Variants in PINX1 observed in about 807,000 individuals in gnomAD.
PINX1 encodes the protein PIN2/TERF1-interacting telomerase inhibitor 1.
In PINX1, 34 loss-of-function variants were observed where a neutral mutation model predicts 25.4. The observed-to-expected ratio is 1.34, with a 90% CI of 1.02 to 1.78. PINX1 has a LOEUF of 1.78. PINX1 is among the 40% of genes most tolerant of loss of function. PINX1 has a pLI of 0.00. For missense variants in PINX1, 592 were observed against 404.9 expected (o/e 1.46, Z -3.97); for synonymous variants, 197 against 147.7 (o/e 1.33, Z -2.42).
chr8:10,774,110 C>A (rs879539829), intron 6 of PINX1, among the ~76,000 whole-genome samples: 1 of 152,218 alleles, frequency 6.6e-6, no homozygotes, highest in Non-Finnish European at 1.5e-5. Flanking sequence ...TCTCACAGAA[C>A]AGAGCAGAAG....
intron 6 of PINX1, among the ~76,000 whole-genome samples, chr8:10,784,812 C>T (rs1801696920): frequency 6.6e-6 from 1 of 152,188 alleles, no homozygotes; most frequent in Non-Finnish European, 1.5e-5. Flanking sequence ...TAGTACTTTG[C>T]TTAAAGCAAG....
intron 5 of PINX1, among the ~76,000 whole-genome samples, chr8:10,822,492 C>T (rs1797908693): frequency 6.6e-6 from 1 of 152,140 alleles, no homozygotes; most frequent in African/African-American, 2.4e-5. Context: ...CTCCAAGAGT[C>T]AAACTGAAAG....
chr8:10,818,014 G>C (rs1650883049), intron 6 of PINX1, among the ~76,000 whole-genome samples: 2 of 152,116 alleles, frequency 1.3e-5, no homozygotes, highest in Admixed American at 1.3e-4. Flanking sequence ...ATCGGTCTTG[G>C]GCAGAACCCT....
chr8:10,788,039 G>C (rs957708645), intron 6 of PINX1, among the ~76,000 whole-genome samples: 1 of 152,198 alleles, frequency 6.6e-6, no homozygotes, highest in Admixed American at 6.5e-5. Context: ...ACAGTACTGT[G>C]ACTGTGTGTT....
chr8:10,769,463 T>A (rs1370617220), intron 6 of PINX1, among the ~76,000 whole-genome samples: 1 of 152,196 alleles, frequency 6.6e-6, no homozygotes. Context: ...TGAACTGAGA[T>A]GACTCTGGAG....
At chr8:10,792,022 CCT>C (rs1404783893) in intron 6 of PINX1, among the ~76,000 whole-genome samples, 3 of 152,192 alleles carry the variant, frequency 2.0e-5, no homozygotes, top group Non-Finnish European at 2.9e-5. Flanking sequence ...AGGACCGCCC[CCT>C]CTCTCCCGCT....
chr8:10,834,698 T>A lies in PINX1; in HGVS notation c.97A>T (p.Met33Leu), dbSNP rs1245400029. Residue 33 changes from methionine (M) to leucine (L), a missense_variant, in exon 2 of 7, where the codon ATG (methionine) becomes TTG (leucine). Met to Leu is a conservative substitution (Grantham distance 15). Coordinates refer to ENST00000314787, the MANE Select transcript of PINX1 (RefSeq NM_017884.6). ...TTAGACCACCCCATCTTCTCTAGCA[T>A]CCGCTGGCCAAACTTGGAATCGTCA... is the stretch of plus-strand genomic sequence containing the variant. The part of the protein sequence containing the change: ...SNDDSKFGQR[M>L]LEKMGWSKGK... 6.2e-7 allele frequency: 1 copy of A among 1,613,936 alleles called. No homozygotes were observed. Among genetic ancestry groups the A allele is most frequent in the Admixed American group, 1.7e-5 (1 of 60,020 alleles).
chr8:10,812,877 C>G (rs929815641), intron 6 of PINX1, among the ~76,000 whole-genome samples: 1 of 152,216 alleles, frequency 6.6e-6, no homozygotes, highest in Non-Finnish European at 1.5e-5. Flanking sequence ...CACAATTTGG[C>G]TTAGGTTAAA....
At position 10,839,872 on chromosome 8, in the gene PINX1, G is replaced by A. The variant is rs936611442; in HGVS notation, c.-116C>T. On this transcript the variant is annotated 5_prime_UTR_variant, in exon 1 of 7. Coordinates refer to ENST00000314787, the MANE Select transcript of PINX1 (RefSeq NM_017884.6). ...AACTCCCTCGCCGGCGGACTGCAGC[G>A]GACGGGGCGCGTGCTGGTGACGTCA... is the stretch of plus-strand genomic sequence containing the variant. The A allele has an allele frequency of 1.6e-5, 17 of 1,034,794 alleles. No homozygotes were observed. In the African/African-American group the frequency reaches 2.6e-4, roughly 16 times the overall value. 64.1% of individuals were successfully genotyped at this position (1,034,794 alleles called of 1,614,324 possible). A position where few individuals can be genotyped will look rare whatever the true frequency, so the allele number is the denominator to read the frequency against.
chr8:10,807,789 G>C (rs114511192), intron 6 of PINX1, among the ~76,000 whole-genome samples: 1,856 of 152,272 alleles, frequency 0.012, 39 homozygotes, highest in African/African-American at 0.043. Flanking sequence ...AGAAAGCTGT[G>C]GAAGATGAGT....
At chr8:10,816,029 T>A (rs1390294421) in intron 6 of PINX1, among the ~76,000 whole-genome samples, 1 of 152,172 alleles carries the variant, frequency 6.6e-6, no homozygotes, top group African/African-American at 2.4e-5. Context: ...ATCAGACGAT[T>A]CTGTCGGCAG....
rs747214302 is a variant in PINX1 at position 10,792,536 on chromosome 8, C to T, written c.472-26620G>A. 4.3e-4 allele frequency among the ~76,000 whole-genome samples: 65 copies of T among 152,162 alleles called. 1 individual carries two copies. The highest frequency in any genetic ancestry group is 6.8e-4 in the Non-Finnish European group (46 of 68,008). On this transcript the variant is annotated intron_variant, in intron 6 of 6. Coordinates refer to ENST00000314787, the MANE Select transcript of PINX1 (RefSeq NM_017884.6). ...TCCATGGTTAAGAGCGCCTGGCACC[C>T]GCCATCACTCAGGAGTGGTTCTGGG...
At chr8:10,820,906 AG>A (rs1797846923) in intron 5 of PINX1, among the ~76,000 whole-genome samples, 1 of 152,244 alleles carries the variant, frequency 6.6e-6, no homozygotes, top group Admixed American at 6.5e-5. Context: ...AAAGCTACAT[AG>A]GGAGAGTAGG....
At position 10,765,272 on chromosome 8, in the gene PINX1, G is replaced by T; in HGVS notation, c.*129C>A. 1 of 807,148 alleles carries T rather than the reference G, an allele frequency of 1.2e-6. No homozygotes were observed. Among genetic ancestry groups the T allele is most frequent in the Non-Finnish European group, 1.9e-6 (1 of 529,224 alleles). The allele number at this position is 807,148 out of a possible 1,614,324, so 50.0% of individuals were successfully genotyped here. A position where few individuals can be genotyped will look rare whatever the true frequency, so the allele number is the denominator to read the frequency against. On this transcript the variant is annotated 3_prime_UTR_variant, in exon 7 of 7. Coordinates refer to ENST00000314787, the MANE Select transcript of PINX1 (RefSeq NM_017884.6). ...TGTGGCGAGAGGGCAGGACTCGGCA[G>T]CCCATGGGCATGCCACAAGATGCGC...
intron 6 of PINX1, among the ~76,000 whole-genome samples, chr8:10,814,172 A>G (rs777402236): frequency 3.3e-5 from 5 of 152,220 alleles, no homozygotes; most frequent in Non-Finnish European, 7.3e-5. Flanking sequence ...CAAACCAGTT[A>G]TTATCTTCCA....
At chr8:10,794,145 G>A (rs933380722) in intron 6 of PINX1, among the ~76,000 whole-genome samples, 2 of 152,182 alleles carry the variant, frequency 1.3e-5, no homozygotes, top group African/African-American at 2.4e-5. Flanking sequence ...AAGTGAGAAC[G>A]TTATGAAGTG....
chr8:10,787,287 C>T (rs915742568), intron 6 of PINX1, among the ~76,000 whole-genome samples: 3 of 151,980 alleles, frequency 2.0e-5, no homozygotes, highest in Admixed American at 1.3e-4. Flanking sequence ...AGAGCAGTGG[C>T]GCAAACACAG....
intron 6 of PINX1, among the ~76,000 whole-genome samples, chr8:10,795,204 G>C (rs765517231): frequency 5.3e-5 from 8 of 152,156 alleles, no homozygotes; most frequent in Non-Finnish European, 8.8e-5. Context: ...CAAATCTCCA[G>C]GGCTAAGGAT....
intron 6 of PINX1, among the ~76,000 whole-genome samples, chr8:10,782,506 C>T (rs184865183): frequency 6.6e-6 from 1 of 152,046 alleles, no homozygotes; most frequent in African/African-American, 2.4e-5. Flanking sequence ...GAGGCCAAGG[C>T]AGGCGGATCA....
Sources: gnomAD v4.1 joint callset for allele counts (sites outside exome capture counted in the v4.1 genomes callset) on GRCh38, gnomAD v4.1.1 for gene constraint, MANE v1.5 for transcripts, NCBI Gene and HGNC (gene_info 2026-07-23, HGNC 2026-07-21) for gene names.